GRIK2: variants seen among roughly 807,000 people sequenced by gnomAD.
The protein encoded by GRIK2 is glutamate ionotropic receptor kainate type subunit 2.
Under a neutral mutation model 100.3 loss-of-function variants are expected in GRIK2, and 32 were observed. The ratio of observed to expected loss-of-function variants is 0.32; its 90% confidence interval spans 0.24 to 0.43. The LOEUF is 0.43. GRIK2 is among the 20% of genes least tolerant of loss of function. GRIK2 has a pLI of 1.00. For missense variants in GRIK2, 843 were observed against 1,114.9 expected, an observed-to-expected ratio of 0.76 and a Z score of 3.47; for synonymous variants, 417 against 389.4, an observed-to-expected ratio of 1.07 and a Z score of -0.83.
chr6:101,564,974 A>G (rs1777184959), intron 2 of GRIK2, among the ~76,000 whole-genome samples: 1 of 152,094 alleles, frequency 6.6e-6, no homozygotes, highest in Non-Finnish European at 1.5e-5. Flanking sequence ...TCTCATCCAT[A>G]TTCCCCAAAA....
chr6:101,740,855 A>G (rs955988617), intron 7 of GRIK2, among the ~76,000 whole-genome samples: 2 of 152,158 alleles, frequency 1.3e-5, no homozygotes, highest in African/African-American at 4.8e-5. Flanking sequence ...ACTCATTAGC[A>G]TGGGTAAAGC....
At chr6:101,686,147 C>G (rs2786251) in intron 6 of GRIK2, 33 bp from the exon 7 acceptor site, 433,074 of 1,574,708 alleles carry the variant, frequency 0.28, 69,367 homozygotes, top group African/African-American at 0.65. Context: ...ATACTCTGTC[C>G]ATAATAACAA....
chr6:101,697,666 T>C (rs1032612520), intron 7 of GRIK2, among the ~76,000 whole-genome samples: 2 of 152,046 alleles, frequency 1.3e-5, no homozygotes, highest in African/African-American at 2.4e-5. Context: ...AGTAGAAGAC[T>C]ATTAAATATA....
chr6:101,700,615 A>G (rs1772824785), intron 7 of GRIK2, among the ~76,000 whole-genome samples: 1 of 152,174 alleles, frequency 6.6e-6, no homozygotes, highest in Non-Finnish European at 1.5e-5. Context: ...TCTCACTTAC[A>G]GATGATGGGA....
chr6:102,041,680 A>G (rs745690440), intron 15 of GRIK2, among the ~76,000 whole-genome samples: 1 of 151,610 alleles, frequency 6.6e-6, no homozygotes, highest in Non-Finnish European at 1.5e-5. Context: ...CCATGTTCAC[A>G]TAATTGGATT....
chr6:102,046,408 A>G (rs1330393093), intron 15 of GRIK2, among the ~76,000 whole-genome samples: 1 of 152,050 alleles, frequency 6.6e-6, no homozygotes, highest in African/African-American at 2.4e-5. Context: ...TAATTGGATC[A>G]TGGGGGCAGA....
At chr6:101,513,893 A>C (rs1582618657) in intron 2 of GRIK2, among the ~76,000 whole-genome samples, 1 of 152,150 alleles carries the variant, frequency 6.6e-6, no homozygotes, top group African/African-American at 2.4e-5. Context: ...AAAGGAAGAG[A>C]TAATACAAAT....
intron 10 of GRIK2, among the ~76,000 whole-genome samples, chr6:101,849,233 G>T (rs1783979042): frequency 6.6e-6 from 1 of 151,814 alleles, no homozygotes; most frequent in South Asian, 2.1e-4. Flanking sequence ...GGGAAACAAA[G>T]AAAAACCCCC....
intron 2 of GRIK2, among the ~76,000 whole-genome samples, chr6:101,477,843 A>G (rs1169796854): frequency 6.6e-6 from 1 of 152,212 alleles, no homozygotes; most frequent in African/African-American, 2.4e-5. Context: ...TTAGACTGTA[A>G]TTTACATTTA....
In GRIK2 at chr6:101,439,539, G is replaced by A. The variant is rs1769929099; in HGVS notation, c.115+40147G>A. Among the ~76,000 whole-genome samples the A allele has an allele frequency of 2.0e-5, 3 of 151,954 alleles. No individual in the cohort carries two copies. In the South Asian group the frequency reaches 6.2e-4, roughly 32 times the overall value. On this transcript the variant is annotated intron_variant, in intron 2 of 16. Coordinates refer to ENST00000369134, the MANE Select transcript of GRIK2 (RefSeq NM_021956.5). ...AGGTTACCCAAATTCACAAAATTAG[G>A]GACTTAAAGCCATGATTTTCTGATT...
At chr6:101,758,284 T>C (rs1229845628) in intron 7 of GRIK2, among the ~76,000 whole-genome samples, 3 of 152,230 alleles carry the variant, frequency 2.0e-5, no homozygotes. Context: ...AAGTATAGTG[T>C]ATAAATGATG....
At chr6:101,581,902 C>G (rs564513003) in intron 2 of GRIK2, among the ~76,000 whole-genome samples, 1 of 152,056 alleles carries the variant, frequency 6.6e-6, no homozygotes, top group East Asian at 1.9e-4. Context: ...GGTGACATGG[C>G]TTGGTTCTGC....
Position 101,682,570 on chromosome 6 carries a change from G to A in GRIK2, c.741G>A (p.Met247Ile). 2.2e-6 allele frequency: 3 copies of A among 1,334,518 alleles called. No homozygotes were observed. Among genetic ancestry groups the A allele is most frequent in the Non-Finnish European group, 3.2e-6 (3 of 933,750 alleles). The allele number at this position is 1,334,518 out of a possible 1,614,324, so 82.7% of individuals were successfully genotyped here. The change falls in exon 6 of 17, where the codon ATG becomes ATA. Residue 247 changes from methionine to isoleucine, a missense_variant. Met to Ile is a conservative substitution (Grantham distance 10). This residue lies in a region of GRIK2 where 519 missense variants were observed against 643.8 expected (regional missense o/e 0.81). Transcript: ENST00000369134. ...GILKQALAMG[M>I]MTEYYHYIFT... ...TTCCTTAGGCATTAGCTATGGGAATGATGACAGAATACTATCATTATATCT... is the reference window on the plus strand; with the variant it reads ...TTCCTTAGGCATTAGCTATGGGAATAATGACAGAATACTATCATTATATCT...
Position 101,859,587 on chromosome 6 carries a change from A to T in GRIK2, c.1524+94A>T, listed in dbSNP as rs941210534. On this transcript the variant is annotated intron_variant, in intron 11 of 16. Coordinates refer to ENST00000369134, the MANE Select transcript of GRIK2 (RefSeq NM_021956.5). Reference sequence around the variant, plus strand: ...TATGAAATAACTACAAAGAGTAGTGATATATTTCAAGCATGTATTTCCTTC... The same window carrying T: ...TATGAAATAACTACAAAGAGTAGTGTTATATTTCAAGCATGTATTTCCTTC... 1.7e-4 allele frequency: 121 copies of T among 711,072 alleles called. No homozygotes were observed. The South Asian group carries it at 1.9e-3, about 11-fold the overall frequency. 44.0% of individuals were successfully genotyped at this position (711,072 alleles called of 1,614,324 possible).
At chr6:101,412,861 A>C (rs1254832284) in intron 2 of GRIK2, among the ~76,000 whole-genome samples, 1 of 152,040 alleles carries the variant, frequency 6.6e-6, no homozygotes, top group Non-Finnish European at 1.5e-5. Context: ...TGATATACGT[A>C]AATGTAGAAT....
At chr6:101,430,900 A>G in intron 2 of GRIK2, 2 of 343,062 alleles carry the variant, frequency 5.8e-6, no homozygotes, top group Admixed American at 3.0e-5. Flanking sequence ...CTGTAGCCAC[A>G]CTATGTGAGG....
chr6:101,591,827 T>C (rs1778656338), intron 2 of GRIK2, among the ~76,000 whole-genome samples: 1 of 152,188 alleles, frequency 6.6e-6, no homozygotes, highest in African/African-American at 2.4e-5. Flanking sequence ...GTATTTATTT[T>C]ACATTTTTAG....
intron 7 of GRIK2, among the ~76,000 whole-genome samples, chr6:101,792,604 AG>A (rs1779959595): frequency 6.6e-6 from 1 of 151,982 alleles, no homozygotes; most frequent in South Asian, 2.1e-4. Context: ...CTTCCCTTTG[AG>A]GGTAACCCGA....
chr6:101,766,786 T>G (rs1041836459), intron 7 of GRIK2, among the ~76,000 whole-genome samples: 1 of 152,184 alleles, frequency 6.6e-6, no homozygotes, highest in South Asian at 2.1e-4. Context: ...TTGCAGGAAA[T>G]AGACATGATG....
Sources: allele counts gnomAD v4.1 joint callset (sites outside exome capture counted in the v4.1 genomes callset), GRCh38; gene constraint gnomAD v4.1.1; regional missense constraint gnomAD v4.1.1; transcripts MANE v1.5; gene names NCBI Gene and HGNC (gene_info 2026-07-23, HGNC 2026-07-21).